RPS6KA2: variants seen among roughly 807,000 people sequenced by gnomAD.
The protein encoded by RPS6KA2 is ribosomal protein S6 kinase alpha-2.
RPS6KA2 carries 42 observed loss-of-function variants against 91.8 expected under a neutral mutation model. The ratio of observed to expected loss-of-function variants is 0.46; its 90% CI spans 0.36 to 0.59. The LOEUF (loss-of-function observed/expected upper bound fraction) is 0.59, where lower values mean the gene tolerates loss of function less well. Ranked by LOEUF, RPS6KA2 falls within the 20% of genes least tolerant of loss-of-function variation. RPS6KA2 has a pLI of 0.00. For missense variants in RPS6KA2, 798 were observed against 978.5 expected (o/e 0.82, Z 2.46); for synonymous variants, 414 against 393.6 (o/e 1.05, Z -0.61).
In RPS6KA2 at chr6:166,423,499, G is replaced by C; in HGVS notation, c.1582-82C>G. On this transcript the variant is annotated intron_variant, in intron 16 of 20. Coordinates refer to ENST00000265678, the MANE Select transcript of RPS6KA2 (RefSeq NM_021135.6). This position sits in a 1 kb window ranked among gnomAD's most constrained non-coding sequence, Gnocchi z 4.8. ...AGGGCAGGTGCATTTGGAGGGGAGGGTGCATTTGGGAACTGTCTTCCTAGC... is the reference window on the plus strand; with the variant it reads ...AGGGCAGGTGCATTTGGAGGGGAGGCTGCATTTGGGAACTGTCTTCCTAGC... 2 of 1,365,364 alleles carry C rather than the reference G, an allele frequency of 1.5e-6. No homozygotes were observed. Among genetic ancestry groups the C allele is most frequent in the Non-Finnish European group, 2.0e-6 (2 of 991,660 alleles). 84.6% of individuals were successfully genotyped at this position (1,365,364 alleles called of 1,614,324 possible). A position where few individuals can be genotyped will look rare whatever the true frequency, so the allele number is the denominator to read the frequency against.
At chr6:166,795,019 A>T (rs894956532) in intron 2 of RPS6KA2, among the ~76,000 whole-genome samples, 6 of 151,980 alleles carry the variant, frequency 3.9e-5, no homozygotes, top group Non-Finnish European at 7.4e-5. Flanking sequence ...ATAAAAATAA[A>T]TAAATAAAAA....
At chr6:166,541,752 C>T (rs1374725799) in intron 1 of RPS6KA2, among the ~76,000 whole-genome samples, 1 of 152,196 alleles carries the variant, frequency 6.6e-6, no homozygotes, top group Non-Finnish European at 1.5e-5. Context: ...GAATCAAAGC[C>T]TTCGACGCAG....
At chr6:166,798,581 G>A (rs757489760) in intron 2 of RPS6KA2, among the ~76,000 whole-genome samples, 1 of 152,198 alleles carries the variant, frequency 6.6e-6, no homozygotes, top group Non-Finnish European at 1.5e-5. Flanking sequence ...CTGGGGAGCG[G>A]CCCTCTCCAC....
intron 11 of RPS6KA2, among the ~76,000 whole-genome samples, chr6:166,467,906 A>T (rs1261744112): frequency 6.6e-6 from 1 of 152,224 alleles, no homozygotes; most frequent in Non-Finnish European, 1.5e-5. Flanking sequence ...GGGCTGGATA[A>T]ATGGAGAAGC....
chr6:166,518,055 C>G (rs1782718665), intron 3 of RPS6KA2, among the ~76,000 whole-genome samples: 1 of 151,994 alleles, frequency 6.6e-6, no homozygotes, highest in Non-Finnish European at 1.5e-5. Context: ...TCTAGCGCTG[C>G]TGGGTTAGGG....
At chr6:166,620,070 C>T (rs1204273274) in intron 1 of RPS6KA2, among the ~76,000 whole-genome samples, 2 of 152,160 alleles carry the variant, frequency 1.3e-5, no homozygotes, top group East Asian at 1.9e-4. Flanking sequence ...CCGTGCACTT[C>T]GAGTGCAGAG....
At chr6:166,693,927 C>T (rs6456101) in intron 2 of RPS6KA2, among the ~76,000 whole-genome samples, 19,121 of 152,244 alleles carry the variant, frequency 0.13, 2,143 homozygotes, top group African/African-American at 0.3. Flanking sequence ...CTTAGACATC[C>T]CTCTGTCCCC....
chr6:166,545,940 CTCCCAG>C (rs1234765319), intron 1 of RPS6KA2, among the ~76,000 whole-genome samples: 1 of 152,188 alleles, frequency 6.6e-6, no homozygotes, highest in Non-Finnish European at 1.5e-5. Context: ...CACACATGGG[CTCCCAG>C]TCCTGACATC....
At chr6:166,806,084 A>G (rs1779486496) in intron 2 of RPS6KA2, among the ~76,000 whole-genome samples, 1 of 152,214 alleles carries the variant, frequency 6.6e-6, no homozygotes, top group Non-Finnish European at 1.5e-5. Context: ...AACAGAAAGA[A>G]AAAGGATTGA....
At chr6:166,622,048 T>C (rs529701268) in intron 1 of RPS6KA2, among the ~76,000 whole-genome samples, 3 of 152,364 alleles carry the variant, frequency 2.0e-5, no homozygotes, top group South Asian at 4.1e-4. Context: ...TTTTATTTAA[T>C]GGGCTTCCAC....
At chr6:166,551,171 A>G (rs1349277423) in intron 1 of RPS6KA2, among the ~76,000 whole-genome samples, 1 of 152,138 alleles carries the variant, frequency 6.6e-6, no homozygotes, top group Non-Finnish European at 1.5e-5. Context: ...AAGCAAAACC[A>G]GCGACCATCT....
chr6:166,848,398 C>A (rs1194048351), intron 2 of RPS6KA2, among the ~76,000 whole-genome samples: 1 of 152,216 alleles, frequency 6.6e-6, no homozygotes, highest in Admixed American at 6.5e-5. Flanking sequence ...ATCCAGCAGT[C>A]CCACTACTGG....
In RPS6KA2 at chr6:166,418,734, T is replaced by C. The variant is rs1414135713; in HGVS notation, c.1821-392A>G. Among the ~76,000 whole-genome samples the C allele has an allele frequency of 6.6e-6, 1 of 152,264 alleles. No homozygotes were observed. The highest frequency in any genetic ancestry group is 2.4e-5 in the African/African-American group (1 of 41,468). On this transcript the variant is annotated intron_variant, in intron 18 of 20. Coordinates refer to ENST00000265678, the MANE Select transcript of RPS6KA2 (RefSeq NM_021135.6). This position sits in a 1 kb window ranked among gnomAD's most constrained non-coding sequence, Gnocchi z 4.9. The stretch of plus-strand genomic sequence containing the variant: ...CACGGTGGATGTATTCCCAACTCTG[T>C]GTTCTTTGACAAGTTAACTTTTTGA...
chr6:166,516,201 C>G (rs1005091090), intron 3 of RPS6KA2, among the ~76,000 whole-genome samples: 1 of 152,160 alleles, frequency 6.6e-6, no homozygotes, highest in Non-Finnish European at 1.5e-5. Context: ...ATCTCCATTG[C>G]CCACCTCTCC....
At chr6:166,468,100 G>A (rs1780610400) in intron 11 of RPS6KA2, among the ~76,000 whole-genome samples, 4 of 152,376 alleles carry the variant, frequency 2.6e-5, no homozygotes, top group Middle Eastern at 6.8e-3. Flanking sequence ...AGATCTAAAC[G>A]CCGTGTAAGG....
At chr6:166,755,731 G>C (rs1230399990) in intron 2 of RPS6KA2, among the ~76,000 whole-genome samples, 1 of 152,122 alleles carries the variant, frequency 6.6e-6, no homozygotes, top group Non-Finnish European at 1.5e-5. Flanking sequence ...GACATCTTTC[G>C]GACGTAAGAC....
chr6:166,459,635 G>T lies in RPS6KA2; in HGVS notation c.973-84C>A. On this transcript the variant is annotated intron_variant, in intron 11 of 20. Coordinates refer to ENST00000265678, the MANE Select transcript of RPS6KA2 (RefSeq NM_021135.6). The surrounding 1 kb of genome is among the most constrained non-coding windows in gnomAD (Gnocchi z 4.9). ...CACTGGGGACAGAGAAACCTGCTGTGGGGAGGGAAGGATGTTCTTATCACA... is the reference window on the plus strand; with the variant it reads ...CACTGGGGACAGAGAAACCTGCTGTTGGGAGGGAAGGATGTTCTTATCACA... The T allele has an allele frequency of 1.1e-6, 1 of 899,958 alleles. No individual in the cohort carries two copies. The allele number at this position is 899,958 out of a possible 1,614,324, so 55.7% of individuals were successfully genotyped here. A position where few individuals can be genotyped will look rare whatever the true frequency, so the allele number is the denominator to read the frequency against.
intron 2 of RPS6KA2, among the ~76,000 whole-genome samples, chr6:166,744,220 C>T (rs1790908888): frequency 6.6e-6 from 1 of 152,258 alleles, no homozygotes; most frequent in Non-Finnish European, 1.5e-5. Flanking sequence ...TAAAAAGTCT[C>T]TGAGGACAGC....
intron 11 of RPS6KA2, among the ~76,000 whole-genome samples, chr6:166,469,166 C>G (rs1396810904): frequency 6.6e-6 from 1 of 152,144 alleles, no homozygotes; most frequent in African/African-American, 2.4e-5. Context: ...GAGTTGGCGT[C>G]TTGGCAGAAA....
Sources: gnomAD v4.1 joint callset for allele counts (sites outside exome capture counted in the v4.1 genomes callset) on GRCh38, gnomAD v4.1.1 for gene constraint, Gnocchi (gnomAD v3.1) non-coding constraint, MANE v1.5 for transcripts, NCBI Gene and HGNC (gene_info 2026-07-23, HGNC 2026-07-21) for gene names.